LINC00305: variants seen among roughly 807,000 people sequenced by gnomAD.
LINC00305 encodes the protein long independently transcribed non-coding RNA 305, also known as long intergenic non-protein coding RNA 305.
At chr18:64,125,250 C>T (rs879306245) in intron 1 of LINC00305, among the ~76,000 whole-genome samples, 38 of 152,036 alleles carry the variant, frequency 2.5e-4, no homozygotes, top group Non-Finnish European at 4.6e-4. Context: ...CTTCACCCTG[C>T]CTTTAGCACT....
At chr18:64,083,182 G>T (rs551358243) in intron 3 of LINC00305, among the ~76,000 whole-genome samples, 3 of 151,992 alleles carry the variant, frequency 2.0e-5, no homozygotes, top group Admixed American at 2.0e-4. Flanking sequence ...CCTTTAGAAT[G>T]TTTAGCCAAA....
intron 1 of LINC00305, among the ~76,000 whole-genome samples, chr18:64,119,318 T>C (rs769432955): frequency 1.3e-5 from 2 of 152,156 alleles, no homozygotes; most frequent in Non-Finnish European, 2.9e-5. Flanking sequence ...TGGCTGATTC[T>C]GGTGGAGAAT....
At chr18:64,080,459 C>A in intron 3 of LINC00305, 1 of 315,780 alleles carries the variant, frequency 3.2e-6, no homozygotes, top group South Asian at 2.5e-5. Flanking sequence ...TAAACTTGAT[C>A]AAATGATTCC....
intron 1 of LINC00305, among the ~76,000 whole-genome samples, chr18:64,129,345 T>G (rs1244865568): frequency 6.6e-6 from 1 of 152,136 alleles, no homozygotes; most frequent in African/African-American, 2.4e-5. Context: ...TTTAATATGA[T>G]TTAATGTTAG....
At chr18:64,127,729 C>T (rs974086877) in intron 1 of LINC00305, among the ~76,000 whole-genome samples, 5 of 152,204 alleles carry the variant, frequency 3.3e-5, no homozygotes, top group East Asian at 1.9e-4. Context: ...AATCTCTGTT[C>T]GAACTTCTAC....
intron 1 of LINC00305, among the ~76,000 whole-genome samples, chr18:64,148,414 T>A (rs2051508580): frequency 6.6e-6 from 1 of 152,106 alleles, no homozygotes; most frequent in Non-Finnish European, 1.5e-5. Context: ...TGCATTTTTT[T>A]TTTTTTGCTT....
At chr18:64,142,217 G>C (rs531435146) in intron 1 of LINC00305, among the ~76,000 whole-genome samples, 1 of 131,960 alleles carries the variant, frequency 7.6e-6, no homozygotes, top group Non-Finnish European at 1.9e-5. Flanking sequence ...AATGTAGTCT[G>C]TCTGGGTATG....
At chr18:64,100,648 C>T (rs2051264585) in intron 1 of LINC00305, among the ~76,000 whole-genome samples, 1 of 152,198 alleles carries the variant, frequency 6.6e-6, no homozygotes, top group Non-Finnish European at 1.5e-5. Flanking sequence ...TAAATGTTCT[C>T]TTTTTTTCTC....
At chr18:64,111,881 G>T (rs1182426271) in intron 1 of LINC00305, among the ~76,000 whole-genome samples, 1 of 152,104 alleles carries the variant, frequency 6.6e-6, no homozygotes, top group African/African-American at 2.4e-5. Flanking sequence ...TGTACCTCCG[G>T]GAACAGTAAT....
At chr18:64,130,174 T>A (rs1156746330) in intron 1 of LINC00305, among the ~76,000 whole-genome samples, 1 of 152,164 alleles carries the variant, frequency 6.6e-6, no homozygotes, top group Admixed American at 6.6e-5. Flanking sequence ...CAAAACTTAC[T>A]TTAATGCATT....
intron 1 of LINC00305, among the ~76,000 whole-genome samples, chr18:64,120,079 A>G (rs566538938): frequency 4.6e-5 from 7 of 152,210 alleles, no homozygotes; most frequent in African/African-American, 1.7e-4. Context: ...CTTGTAACTA[A>G]TTATTTTTCT....
rs368221797 is a variant in LINC00305, at chr18:64,089,836, C to A, written n.540+7998G>T. ...GGGAAACTCCACCTTATAAAACCAT[C>A]AGATCTCATGAGACTTATTCACTAT... On this transcript the variant is annotated intron_variant and non_coding_transcript_variant, in intron 3 of 3. Coordinates refer to ENST00000666468, the Ensembl canonical transcript of LINC00305. 7.9e-5 allele frequency among the ~76,000 whole-genome samples: 12 copies of A among 152,312 alleles called. No homozygotes were observed. The East Asian group carries it at 2.1e-3, about 27-fold the overall frequency.
chr18:64,132,671 G>T (rs896408868), intron 1 of LINC00305, among the ~76,000 whole-genome samples: 2 of 152,174 alleles, frequency 1.3e-5, no homozygotes, highest in Non-Finnish European at 2.9e-5. Flanking sequence ...TAGTGTATGA[G>T]TTTAGCCACA....
chr18:64,119,145 T>C (rs903056569), intron 1 of LINC00305, among the ~76,000 whole-genome samples: 6 of 151,872 alleles, frequency 4.0e-5, no homozygotes, highest in Non-Finnish European at 8.8e-5. Context: ...AAAAAGACAA[T>C]ACATGTGACT....
Position 64,137,570 on chromosome 18 carries a change from G to T in LINC00305, n.314+11205C>A, listed in dbSNP as rs1254688278. Among the ~76,000 whole-genome samples the T allele has an allele frequency of 2.0e-5, 3 of 152,206 alleles. No individual in the cohort carries two copies. In the South Asian group the frequency reaches 6.2e-4, roughly 31 times the overall value. ...CAGAGGCTCACGACTTGTTTCAAAA[G>T]TAAAGTGTTGCACCACTTTTAAACA... On this transcript the variant is annotated intron_variant and non_coding_transcript_variant, in intron 1 of 3. Coordinates refer to ENST00000666468, the Ensembl canonical transcript of LINC00305.
chr18:64,088,072 G>A (rs188390938), intron 3 of LINC00305, among the ~76,000 whole-genome samples: 95 of 152,206 alleles, frequency 6.2e-4, no homozygotes, highest in African/African-American at 2.2e-3. Context: ...GCCGGGAGGC[G>A]GAGCTTGCCG....
intron 3 of LINC00305, among the ~76,000 whole-genome samples, chr18:64,094,927 T>C (rs1030033240): frequency 6.8e-6 from 1 of 147,452 alleles, no homozygotes; most frequent in Non-Finnish European, 1.5e-5. Context: ...CAAGCAAGAC[T>C]CCCAAGAAGC....
chr18:64,143,614 G>GTA (rs2051478549), intron 1 of LINC00305, among the ~76,000 whole-genome samples: 5 of 106,866 alleles, frequency 4.7e-5, no homozygotes, highest in African/African-American at 1.4e-4. Flanking sequence ...ATGTACATAT[G>GTA]TACACATATG....
At chr18:64,101,986 T>G (rs1051469613) in intron 1 of LINC00305, among the ~76,000 whole-genome samples, 3 of 152,190 alleles carry the variant, frequency 2.0e-5, no homozygotes, top group Non-Finnish European at 4.4e-5. Context: ...CCCAGACATT[T>G]CCTGAAGTGC....
Sources: allele counts gnomAD v4.1 joint callset (sites outside exome capture counted in the v4.1 genomes callset), GRCh38; gene constraint gnomAD v4.1.1; transcripts MANE v1.5; gene names NCBI Gene and HGNC (gene_info 2026-07-23, HGNC 2026-07-21).